The following LIMA1 variants were observed in gnomAD, a reference collection of about 807,000 sequenced individuals.
LIMA1 encodes the protein LIM domain and actin-binding protein 1.
In LIMA1, 52 loss-of-function variants were observed where a neutral mutation model predicts 62.6. The ratio of observed to expected loss-of-function variants is 0.83; its 90% CI spans 0.67 to 1.05. The LOEUF (loss-of-function observed/expected upper bound fraction) is 1.05. Among genes scored for constraint, LIMA1 ranks in the 50% least tolerant of loss-of-function variants. LIMA1 has a pLI of 0.00. For synonymous variants in LIMA1, 302 were observed against 317.8 expected (o/e 0.95, Z 0.53); for missense variants, 780 against 902.2 (o/e 0.86, Z 1.74).
At position 50,248,795 on chromosome 12, in the gene LIMA1, G is replaced by C. The variant is rs776874475; in HGVS notation, c.-23-21C>G. 7.6e-6 allele frequency: 9 copies of C among 1,187,436 alleles called. No individual in the cohort carries two copies. In the African/African-American group the frequency reaches 9.0e-5, roughly 12 times the overall value. 73.6% of individuals were successfully genotyped at this position (1,187,436 alleles called of 1,614,324 possible). A position where few individuals can be genotyped will look rare whatever the true frequency, so the allele number is the denominator to read the frequency against. ...AATACCTATGCAATAAAGAAAGTCA[G>C]AACATTAGACACAGAAGAGGATTCT... On this transcript the variant is annotated intron_variant, in intron 1 of 10. Coordinates refer to ENST00000341247, the MANE Select transcript of LIMA1 (RefSeq NM_016357.5).
At chr12:50,261,539 C>T (rs182379344) in intron 1 of LIMA1, among the ~76,000 whole-genome samples, 9 of 152,224 alleles carry the variant, frequency 5.9e-5, no homozygotes, top group Admixed American at 3.3e-4. Context: ...CTTGAGCCTC[C>T]CTGGCCTTCT....
In LIMA1 at chr12:50,177,822, T is replaced by A. The variant is rs368038643; in HGVS notation, c.1522A>T (p.Met508Leu). 251 of 1,613,592 alleles carry A rather than the reference T, an allele frequency of 1.6e-4. No individual in the cohort carries two copies. The highest frequency in any genetic ancestry group is 1.7e-4 in the Non-Finnish European group (205 of 1,179,818). The change falls in exon 11 of 11, where the codon ATG (methionine) becomes TTG (leucine). Residue 508 changes from methionine to leucine, a missense_variant. Physicochemically the swap from Met to Leu is conservative, Grantham distance 15. Transcript: ENST00000341247. ...IAKVGVLAAS[M>L]EAKASSQQEK... ...TGCTGAGAGGAGGCCTTGGCTTCCA[T>A]ACTTGCAGCCAGGACACCCACCTTA... is the stretch of plus-strand genomic sequence containing the variant.
chr12:50,269,144 T>A (rs11169345), intron 1 of LIMA1, among the ~76,000 whole-genome samples: 4 of 151,990 alleles, frequency 2.6e-5, no homozygotes, highest in Non-Finnish European at 4.4e-5. Flanking sequence ...ATTGCTAAAA[T>A]AAGTACTTAA....
Position 50,204,606 on chromosome 12 carries a change from T to G in LIMA1, c.810A>C (p.Arg270=), listed in dbSNP as rs149640715. ...PRLSETSIKD[R]MAKYQAAVSK... ...ACACAGCTGCCTGGTACTTGGCCATTCGATCCTTTATAGAGGTTTCTGAGA... is the reference window on the plus strand; with the variant it reads ...ACACAGCTGCCTGGTACTTGGCCATGCGATCCTTTATAGAGGTTTCTGAGA... The change falls in exon 6 of 11, where the codon CGA becomes CGC. Residue 270 remains arginine (R), a synonymous_variant. Transcript: ENST00000341247. 14 of 1,614,130 alleles carry G rather than the reference T, an allele frequency of 8.7e-6. No homozygotes were observed. In the African/African-American group the frequency reaches 1.5e-4, roughly 17 times the overall value.
intron 1 of LIMA1, among the ~76,000 whole-genome samples, chr12:50,265,486 C>T (rs1322530756): frequency 6.7e-6 from 1 of 150,034 alleles, no homozygotes; most frequent in African/African-American, 2.5e-5. Context: ...CACCATTGCA[C>T]ACCAGCCTGG....
At chr12:50,265,969 G>C (rs1319665989) in intron 1 of LIMA1, among the ~76,000 whole-genome samples, 1 of 151,964 alleles carries the variant, frequency 6.6e-6, no homozygotes, top group Non-Finnish European at 1.5e-5. Context: ...AAGCCTACTT[G>C]TTGAGCCTAC....
intron 4 of LIMA1, among the ~76,000 whole-genome samples, chr12:50,210,385 T>A (rs1592522731): frequency 7.9e-6 from 1 of 127,296 alleles, no homozygotes; most frequent in African/African-American, 3.2e-5. Context: ...ATTACTGCAC[T>A]CCAGCCTGGG....
At chr12:50,224,232 G>GC (rs1325050215) in intron 3 of LIMA1, 1 of 152,032 alleles carries the variant, frequency 6.6e-6, no homozygotes, top group African/African-American at 2.4e-5. Context: ...AGGATTAGCA[G>GC]CTATTTTGGG....
rs1315383863 is a variant in LIMA1 at position 50,247,742 on chromosome 12, G to C, written c.119+891C>G. Among the ~76,000 whole-genome samples, 4 of 151,978 alleles carry C rather than the reference G, an allele frequency of 2.6e-5. No individual in the cohort carries two copies. In the East Asian group the frequency reaches 7.7e-4, roughly 29 times the overall value. On this transcript the variant is annotated intron_variant, in intron 2 of 10. Transcript: ENST00000341247. ...GGGTTCAAGCAATTCTCCTGCCTCA[G>C]CCTCCTGAGCAGCTGGGACTACAGT...
At chr12:50,253,480 C>T (rs1292560236) in intron 1 of LIMA1, among the ~76,000 whole-genome samples, 5 of 152,152 alleles carry the variant, frequency 3.3e-5, no homozygotes, top group Non-Finnish European at 2.9e-5. Context: ...TTTCTTTCAA[C>T]TACAATTAAT....
chr12:50,283,263 A>G (rs1406461227), intron 1 of LIMA1, among the ~76,000 whole-genome samples, 157 bp downstream of exon 1: 1 of 151,886 alleles, frequency 6.6e-6, no homozygotes, highest in African/African-American at 2.4e-5. Context: ...AAGTGAGGAA[A>G]GAACGGAGGA....
At chr12:50,215,595 G>C (rs547785300) in intron 4 of LIMA1, among the ~76,000 whole-genome samples, 4 of 151,796 alleles carry the variant, frequency 2.6e-5, no homozygotes, top group Non-Finnish European at 5.9e-5. Flanking sequence ...TCAGCCTTCC[G>C]AGTAGCTGGG....
chr12:50,254,897 T>C (rs760522948), intron 1 of LIMA1, among the ~76,000 whole-genome samples: 6 of 150,954 alleles, frequency 4.0e-5, no homozygotes, highest in Non-Finnish European at 7.4e-5. Flanking sequence ...CTGTCTCTAC[T>C]AAAAATACAA....
At chr12:50,238,581 G>A (rs777148640) in intron 2 of LIMA1, among the ~76,000 whole-genome samples, 12 of 151,912 alleles carry the variant, frequency 7.9e-5, no homozygotes, top group African/African-American at 2.7e-4. Flanking sequence ...TCAACAAGCC[G>A]GGTGCAGTGG....
intron 4 of LIMA1, among the ~76,000 whole-genome samples, chr12:50,207,070 G>A (rs758164398): frequency 3.3e-5 from 5 of 151,922 alleles, no homozygotes; most frequent in Non-Finnish European, 5.9e-5. Flanking sequence ...GATTACAGGC[G>A]CCTGCCACCA....
rs149678970 is a variant in LIMA1 at position 50,184,868 on chromosome 12, G to A, written c.1141-2831C>T. On this transcript the variant is annotated intron_variant, in intron 9 of 10. Coordinates refer to ENST00000341247, the MANE Select transcript of LIMA1 (RefSeq NM_016357.5). Reference sequence around the variant, plus strand: ...GTTTTTTGAGACAGAGTCTCACTCTGTCACCCAGACTGGAGTACAGTGGCG... The same window carrying A: ...GTTTTTTGAGACAGAGTCTCACTCTATCACCCAGACTGGAGTACAGTGGCG... 2.3e-3 allele frequency among the ~76,000 whole-genome samples: 357 copies of A among 152,140 alleles called. 2 individuals carry two copies. Among genetic ancestry groups the A allele is most frequent in the African/African-American group, 8.2e-3 (341 of 41,504 alleles).
At chr12:50,211,438 T>A (rs1403341369) in intron 4 of LIMA1, among the ~76,000 whole-genome samples, 1 of 140,752 alleles carries the variant, frequency 7.1e-6, no homozygotes, top group African/African-American at 2.7e-5. Flanking sequence ...AGGCCAGGAG[T>A]TTGAGATCAG....
At chr12:50,234,159 G>A (rs113699072) in intron 2 of LIMA1, 6,892 of 456,252 alleles carry the variant, frequency 0.015, 408 homozygotes, top group African/African-American at 0.13. Context: ...TAAGTGGTCC[G>A]GAGATTTGTG....
intron 10 of LIMA1, among the ~76,000 whole-genome samples, chr12:50,180,379 G>A (rs781567406): frequency 4.6e-5 from 7 of 152,042 alleles, no homozygotes; most frequent in African/African-American, 7.2e-5. Context: ...GGAGACTGAG[G>A]CATGAGAATC....
Sources: gnomAD v4.1 joint callset for allele counts (sites outside exome capture counted in the v4.1 genomes callset) on GRCh38, gnomAD v4.1.1 for gene constraint, MANE v1.5 for transcripts, NCBI Gene and HGNC (gene_info 2026-07-23, HGNC 2026-07-21) for gene names.